The following HEATR9 variants were observed in gnomAD, a reference collection of about 807,000 sequenced individuals.
HEATR9 encodes protein HEATR9.
A neutral mutation model predicts 68.2 loss-of-function variants in HEATR9; 54 were observed. The observed-to-expected ratio is 0.79, with a 90% CI of 0.64 to 0.99. The LOEUF is 0.99. Among genes scored for constraint, HEATR9 ranks in the 50% least tolerant of loss-of-function variants. The pLI is 0.00. For missense variants in HEATR9, 662 were observed against 679.7 expected (o/e 0.97, Z 0.29); for synonymous variants, 241 against 253.5 (o/e 0.95, Z 0.47).
At chr17:35,860,404 AAAAC>A (rs1349381641) in intron 8 of HEATR9, among the ~76,000 whole-genome samples, 1 of 149,846 alleles carries the variant, frequency 6.7e-6, no homozygotes, top group African/African-American at 2.4e-5. Flanking sequence ...AAAAAAAAAA[AAAAC>A]AAGAACTTTG....
chr17:35,854,969 T>G lies in HEATR9; in HGVS notation c.*94A>C. 9.8e-7 allele frequency: 1 copy of G among 1,020,276 alleles called. No homozygotes were observed. Among genetic ancestry groups the G allele is most frequent in the Non-Finnish European group, 1.4e-6 (1 of 690,512 alleles). 63.2% of individuals were successfully genotyped at this position (1,020,276 alleles called of 1,614,324 possible). A position where few individuals can be genotyped will look rare whatever the true frequency, so the allele number is the denominator to read the frequency against. ...AATGTGGTAGGTAGAGTGACACTTGTTTATTCACGGAAGATAAGTATAGAT... is the reference window on the plus strand; with the variant it reads ...AATGTGGTAGGTAGAGTGACACTTGGTTATTCACGGAAGATAAGTATAGAT... On this transcript the variant is annotated 3_prime_UTR_variant, in exon 15 of 15. Coordinates refer to ENST00000604834, the MANE Select transcript of HEATR9 (RefSeq NM_152781.4).
At chr17:35,861,548 A>C in intron 8 of HEATR9, 1 of 821,316 alleles carries the variant, frequency 1.2e-6, no homozygotes. Flanking sequence ...GAAGAGAAAT[A>C]ACACTTCTTG....
At position 35,859,036 on chromosome 17, in the gene HEATR9, G is replaced by A. The variant is rs139611794; in HGVS notation, c.791C>T (p.Pro264Leu). 6.5e-5 allele frequency: 105 copies of A among 1,614,206 alleles called. No homozygotes were observed. The East Asian group carries it at 1.4e-3, about 22-fold the overall frequency. Residue 264 changes from proline (P) to leucine (L), a missense_variant, in exon 9 of 15, where the codon CCT becomes CTT. By Grantham distance (98) the Pro-to-Leu change is moderately conservative. Transcript: ENST00000604834. ...TQVGDEGKLV[P>L]VLQTLIKKSS... Reference sequence around the variant, plus strand: ...CTTCTTGATCAGTGTCTGTAGTACAGGCACCAGCTTGCCCTCATCCCCGAC... The same window carrying A: ...CTTCTTGATCAGTGTCTGTAGTACAAGCACCAGCTTGCCCTCATCCCCGAC...
At position 35,866,736 on chromosome 17, in the gene HEATR9, C is replaced by T. The variant is rs1373545953; in HGVS notation, c.126G>A (p.Leu42=). The change falls in exon 2 of 15, where the codon TTG becomes TTA. Residue 42 remains leucine, a synonymous_variant. Coordinates refer to ENST00000604834, the MANE Select transcript of HEATR9 (RefSeq NM_152781.4). The part of the protein sequence containing the change: ...RKAMAPVHLP[L]SCYQMPKEEF... ...TAAGGGGTCTTACCTGGTAGCAGGACAAGGGCAGATGAACAGGAGCCATGG... is the reference window on the plus strand; with the variant it reads ...TAAGGGGTCTTACCTGGTAGCAGGATAAGGGCAGATGAACAGGAGCCATGG... 5.6e-6 allele frequency: 9 copies of T among 1,613,930 alleles called. No individual in the cohort carries two copies. The Admixed American group carries it at 8.3e-5, about 15-fold the overall frequency.
At position 35,858,243 on chromosome 17, in the gene HEATR9, G is replaced by A; in HGVS notation, c.1109C>T (p.Thr370Ile). 6 of 1,614,214 alleles carry A rather than the reference G, an allele frequency of 3.7e-6. No individual in the cohort carries two copies. The highest frequency in any genetic ancestry group is 1.6e-4 in the Middle Eastern group (1 of 6,062). Residue 370 changes from threonine to isoleucine, a missense_variant, in exon 11 of 15, where the codon ACA (threonine) becomes ATA (isoleucine). Thr to Ile is a moderately conservative substitution (Grantham distance 89). Coordinates refer to ENST00000604834, the MANE Select transcript of HEATR9 (RefSeq NM_152781.4). ...CGTCTTCCTCCTGAGCAGGTTAAAT[G>A]TGAGTTCCTCTAGCCCCTGTGCCTG... Reference protein sequence around the residue: ...QIQAQGLEELTFNLLRRKTHN... With the variant: ...QIQAQGLEELIFNLLRRKTHN...
chr17:35,856,663 C>T (rs1369347348), intron 12 of HEATR9, 69 bp downstream of exon 12: 4 of 1,368,526 alleles, frequency 2.9e-6, no homozygotes, highest in African/African-American at 2.9e-5. Flanking sequence ...TCCCACTGAC[C>T]CTCTCACTGA....
At chr17:35,866,250 G>T (rs2088195007) in intron 2 of HEATR9, among the ~76,000 whole-genome samples, 1 of 150,772 alleles carries the variant, frequency 6.6e-6, no homozygotes, top group Non-Finnish European at 1.5e-5. Flanking sequence ...AAAAAAAAAA[G>T]CTCCCCGCTC....
rs890878075 is a variant in HEATR9, at chr17:35,867,931, C to T, written c.88+724G>A. Among the ~76,000 whole-genome samples the T allele has an allele frequency of 4.6e-5, 7 of 152,248 alleles. No individual in the cohort carries two copies. In the East Asian group the frequency reaches 7.7e-4, roughly 17 times the overall value. On this transcript the variant is annotated intron_variant, in intron 1 of 14. Coordinates refer to ENST00000604834, the MANE Select transcript of HEATR9 (RefSeq NM_152781.4). ...AAGTAGCTGGGATTATAGGTGCCCG[C>T]CACCACACCCAGCTAATTTTTGTAT...
intron 2 of HEATR9, among the ~76,000 whole-genome samples, chr17:35,865,752 GA>G (rs2088177845): frequency 6.6e-6 from 1 of 152,180 alleles, no homozygotes; most frequent in South Asian, 2.1e-4. Context: ...AAAGCACTTT[GA>G]AAATGACACT....
rs773471018 is a variant in HEATR9 at position 35,855,379 on chromosome 17, A to G, written c.1397T>C (p.Ile466Thr). The G allele has an allele frequency of 6.2e-6, 10 of 1,613,858 alleles. No individual in the cohort carries two copies. The African/African-American group carries it at 6.7e-5, about 11-fold the overall frequency. The change falls in exon 15 of 15, where the codon ATT becomes ACT. Residue 466 changes from isoleucine (I) to threonine (T), a missense_variant. By Grantham distance (89) the Ile-to-Thr change is moderately conservative (BLOSUM62 -1). Coordinates refer to ENST00000604834, the MANE Select transcript of HEATR9 (RefSeq NM_152781.4). ...LQETLILCAS[I>T]DPWIQNKLKN... ...CAGCTTGTTTTGGATCCAGGGATCA[A>G]TTGAGGCACAAAGGATTAATGTTTC...
At chr17:35,867,095 CAAA>C (rs36121754) in intron 1 of HEATR9, among the ~76,000 whole-genome samples, 3 of 143,706 alleles carry the variant, frequency 2.1e-5, no homozygotes, top group Non-Finnish European at 4.6e-5. Context: ...ACTAAAAATA[CAAA>C]AAAAAAAAAA....
intron 13 of HEATR9, 43 bp from the exon 14 acceptor site, chr17:35,855,793 G>C: frequency 6.7e-7 from 1 of 1,498,512 alleles, no homozygotes; most frequent in Non-Finnish European, 9.3e-7. Context: ...CCAGCCCCAG[G>C]AAGACACCTT....
At position 35,855,300 on chromosome 17, in the gene HEATR9, C is replaced by T. The variant is rs2087731945; in HGVS notation, c.1476G>A (p.Glu492=). ...CAGGCTCTTTCTGGAACCTTGTGGG[C>T]TCTGCCTTCACATTGGTCTTAGGTG... ...YEAPKTNVKA[E]PTRFQKEPEN... Residue 492 remains glutamate, a synonymous_variant, in exon 15 of 15, where the codon GAG becomes GAA. Coordinates refer to ENST00000604834, the MANE Select transcript of HEATR9 (RefSeq NM_152781.4). 1 of 1,614,076 alleles carries T rather than the reference C, an allele frequency of 6.2e-7. No individual in the cohort carries two copies. Among genetic ancestry groups the T allele is most frequent in the Non-Finnish European group, 8.5e-7 (1 of 1,180,018 alleles).
At chr17:35,864,588 A>G (rs756468550) in intron 4 of HEATR9, 35 bp from the exon 5 acceptor site, 46 of 1,598,824 alleles carry the variant, frequency 2.9e-5, no homozygotes, top group Admixed American at 9.0e-5. Context: ...AAAGGAAGAC[A>G]GAGAAAAATA....
rs1568311020 is a variant in HEATR9 at position 35,859,022 on chromosome 17, G to C, written c.805C>G (p.Leu269Val). 3.7e-6 allele frequency: 6 copies of C among 1,614,212 alleles called. No homozygotes were observed. The highest frequency in any genetic ancestry group is 1.7e-5 in the Admixed American group (1 of 60,026). Residue 269 changes from leucine (L) to valine (V), a missense_variant, in exon 9 of 15, where the codon CTG becomes GTG. Coordinates refer to ENST00000604834, the MANE Select transcript of HEATR9 (RefSeq NM_152781.4). ...EGKLVPVLQT[L>V]IKKSSSEASL... ...GCTTCACTGGACGACTTCTTGATCA[G>C]TGTCTGTAGTACAGGCACCAGCTTG...
rs772593603 is a variant in HEATR9 at position 35,866,746 on chromosome 17, T to TG, written c.115dup (p.His39ProfsTer40). ...TACCTGGTAGCAGGACAAGGGCAGATGAACAGGAGCCATGGCTTTTCTGAG... is the reference window on the plus strand; with the variant it reads ...TACCTGGTAGCAGGACAAGGGCAGATGGAACAGGAGCCATGGCTTTTCTGAG... On this transcript the variant is annotated frameshift_variant, in exon 2 of 15. Coordinates refer to ENST00000604834, the MANE Select transcript of HEATR9 (RefSeq NM_152781.4). LOFTEE classifies it high-confidence loss of function. 9.9e-6 allele frequency: 16 copies of TG among 1,613,998 alleles called. No individual in the cohort carries two copies. The highest frequency in any genetic ancestry group is 1.4e-5 in the Non-Finnish European group (16 of 1,179,988).
At position 35,866,710 on chromosome 17, in the gene HEATR9, G is replaced by A. The variant is rs756064681; in HGVS notation, c.138+14C>T. ...TGATACAGCTCCCAGGGTAGCAAAA[G>A]TAAGGGGTCTTACCTGGTAGCAGGA... On this transcript the variant is annotated intron_variant, in intron 2 of 14. Coordinates refer to ENST00000604834, the MANE Select transcript of HEATR9 (RefSeq NM_152781.4). The A allele has an allele frequency of 1.2e-5, 20 of 1,612,904 alleles. No homozygotes were observed. Among genetic ancestry groups the A allele is most frequent in the Admixed American group, 3.3e-5 (2 of 60,000 alleles).
At position 35,860,873 on chromosome 17, in the gene HEATR9, G is replaced by A. The variant is rs143645742; in HGVS notation, c.757-1803C>T. On this transcript the variant is annotated intron_variant, in intron 8 of 14. Coordinates refer to ENST00000604834, the MANE Select transcript of HEATR9 (RefSeq NM_152781.4). Reference sequence around the variant, plus strand: ...AGCCTGGCCAATATGGTGAAACCTCGTCTCTATTAAAAATACAAAAAAATT... The same window carrying A: ...AGCCTGGCCAATATGGTGAAACCTCATCTCTATTAAAAATACAAAAAAATT... Among the ~76,000 whole-genome samples the A allele has an allele frequency of 5.1e-3, 780 of 151,924 alleles. 4 individuals are homozygous for A. The highest frequency in any genetic ancestry group is 8.4e-3 in the Non-Finnish European group (568 of 67,964).
In HEATR9 at chr17:35,855,722, A is replaced by C; in HGVS notation, c.1307T>G (p.Val436Gly). 3 of 1,614,028 alleles carry C rather than the reference A, an allele frequency of 1.9e-6. No individual in the cohort carries two copies. The highest frequency in any genetic ancestry group is 2.5e-6 in the Non-Finnish European group (3 of 1,180,004). The change falls in exon 14 of 15, where the codon GTG (valine) becomes GGG (glycine). Residue 436 changes from valine to glycine, a missense_variant. By Grantham distance (109) the Val-to-Gly change is moderately radical (BLOSUM62 -3). Transcript: ENST00000604834. ...TAGTAAGTCCAGGAGCAAGTGGAAC[A>C]CTTGTGGACTGCGGATCCCCAGGAC... ...LGVLGIRSPQ[V>G]FHLLLDLLDA...
Sources: gnomAD v4.1 joint callset for allele counts (sites outside exome capture counted in the v4.1 genomes callset) on GRCh38, gnomAD v4.1.1 for gene constraint, MANE v1.5 for transcripts, NCBI Gene and HGNC (gene_info 2026-07-23, HGNC 2026-07-21) for gene names.